The following BSDC1 variants were observed in gnomAD, a reference collection of about 807,000 sequenced individuals.
BSDC1 encodes BSD domain-containing protein 1.
In BSDC1, 29 loss-of-function variants were observed where a neutral mutation model predicts 56.0. That is an observed-to-expected ratio of 0.52 (90% CI 0.39 to 0.71). The LOEUF (loss-of-function observed/expected upper bound fraction) is 0.71, where lower values mean the gene tolerates loss of function less well. Among genes scored for constraint, BSDC1 ranks in the 30% least tolerant of loss-of-function variants. The pLI is 0.00. For missense variants in BSDC1, 477 were observed against 548.5 expected (o/e 0.87, Z 1.30); for synonymous variants, 210 against 215.3 (o/e 0.98, Z 0.21).
Position 32,378,056 on chromosome 1 carries a change from T to G in BSDC1, c.598-8A>C. Reference sequence around the variant, plus strand: ...GTCCCTCCGGGCCTGCTCCTGAATGTGGGGGAGCAGAAGGCCACAGGCAGT... The same window carrying G: ...GTCCCTCCGGGCCTGCTCCTGAATGGGGGGGAGCAGAAGGCCACAGGCAGT... On this transcript the variant is annotated splice_region_variant and splice_polypyrimidine_tract_variant and intron_variant, in intron 7 of 10. Transcript: ENST00000455895. The surrounding 1 kb of genome is among the most constrained non-coding windows in gnomAD (Gnocchi z 5.2). 1 of 1,606,392 alleles carries G rather than the reference T, an allele frequency of 6.2e-7. No homozygotes were observed. Among genetic ancestry groups the G allele is most frequent in the African/African-American group, 1.3e-5 (1 of 74,892 alleles).
intron 4 of BSDC1, among the ~76,000 whole-genome samples, chr1:32,382,867 CAAA>C (rs760141230): frequency 1.3e-3 from 61 of 47,098 alleles, no homozygotes; most frequent in Admixed American, 2.6e-3. Context: ...GAGACCGTCT[CAAA>C]AAAAAAAAAA....
At chr1:32,373,617 C>T (rs1489491560) in intron 9 of BSDC1, among the ~76,000 whole-genome samples, 1 of 152,102 alleles carries the variant, frequency 6.6e-6, no homozygotes, top group African/African-American at 2.4e-5. Flanking sequence ...AACCTCCCCA[C>T]TCAGGTGATC....
At chr1:32,374,164 TTGAG>T (rs1277282126) in intron 9 of BSDC1, among the ~76,000 whole-genome samples, 8 of 152,164 alleles carry the variant, frequency 5.3e-5, no homozygotes, top group African/African-American at 1.4e-4. Context: ...TTTGTAAGGA[TTGAG>T]TAATATGCAT....
chr1:32,392,341 A>T lies in BSDC1; in HGVS notation c.72+1739T>A, dbSNP rs1642895497. On this transcript the variant is annotated intron_variant, in intron 2 of 10. Coordinates refer to ENST00000455895, the MANE Select transcript of BSDC1 (RefSeq NM_018045.8). ...CAGACTTGGTCTCAAAAACAAACAA[A>T]CAAAAAACAAAAAACACTTGCCCAA... Among the ~76,000 whole-genome samples, 4 of 152,122 alleles carry T rather than the reference A, an allele frequency of 2.6e-5. No individual in the cohort carries two copies. The South Asian group carries it at 8.3e-4, about 32-fold the overall frequency.
At chr1:32,383,788 T>C (rs746274192) in intron 4 of BSDC1, 42 bp downstream of exon 4, 3 of 1,594,776 alleles carry the variant, frequency 1.9e-6, no homozygotes, top group Non-Finnish European at 2.6e-6. Flanking sequence ...AAGCCCAGGT[T>C]ACAGATGTTA....
chr1:32,366,353 G>A lies in BSDC1; in HGVS notation c.*269C>T, dbSNP rs1641849057. ...GTGGGTGTTCAGCAGAAAAACACAG[G>A]CTCTTCTGGTGAGGAGGATAGGTTT... On this transcript the variant is annotated 3_prime_UTR_variant, in exon 11 of 11. Coordinates refer to ENST00000455895, the MANE Select transcript of BSDC1 (RefSeq NM_018045.8). The A allele has an allele frequency of 1.5e-6, 1 of 657,364 alleles. No homozygotes were observed. The highest frequency in any genetic ancestry group is 2.8e-6 in the Non-Finnish European group (1 of 359,582). The allele number at this position is 657,364 out of a possible 1,614,324, so 40.7% of individuals were successfully genotyped here. A position where few individuals can be genotyped will look rare whatever the true frequency, so the allele number is the denominator to read the frequency against.
chr1:32,385,732 A>G (rs1642641100), intron 3 of BSDC1, among the ~76,000 whole-genome samples: 1 of 152,182 alleles, frequency 6.6e-6, no homozygotes, highest in Non-Finnish European at 1.5e-5. Context: ...GTCTCAAAAC[A>G]ATAACCACCA....
intron 2 of BSDC1, among the ~76,000 whole-genome samples, chr1:32,387,266 G>T (rs1236752239): frequency 1.3e-5 from 2 of 152,024 alleles, no homozygotes; most frequent in Admixed American, 1.3e-4. Flanking sequence ...TACTGACTTT[G>T]ATGAATTGCT....
At chr1:32,388,216 A>G (rs1389646799) in intron 2 of BSDC1, among the ~76,000 whole-genome samples, 1 of 152,166 alleles carries the variant, frequency 6.6e-6, no homozygotes, top group African/African-American at 2.4e-5. Flanking sequence ...TCTTCTGGGA[A>G]GGGCCTGCCC....
chr1:32,373,334 T>C (rs1642163722), intron 9 of BSDC1, among the ~76,000 whole-genome samples: 1 of 152,178 alleles, frequency 6.6e-6, no homozygotes, highest in Admixed American at 6.5e-5. Context: ...TGTTTACCTC[T>C]CCTGTAATTT....
chr1:32,368,256 C>T, intron 10 of BSDC1, 191 bp downstream of exon 10: 1 of 1,515,688 alleles, frequency 6.6e-7, no homozygotes, highest in Non-Finnish European at 8.9e-7. Context: ...CACCCTGGAA[C>T]TGAGGAAAAG....
At chr1:32,391,600 G>A (rs1040899199) in intron 2 of BSDC1, among the ~76,000 whole-genome samples, 3 of 152,176 alleles carry the variant, frequency 2.0e-5, no homozygotes, top group Non-Finnish European at 2.9e-5. Flanking sequence ...CTCTATCAAC[G>A]TGTATGCACA....
At position 32,378,286 on chromosome 1, in the gene BSDC1, G is replaced by A; in HGVS notation, c.529-3C>T. 6.2e-7 allele frequency: 1 copy of A among 1,614,146 alleles called. No homozygotes were observed. Among genetic ancestry groups the A allele is most frequent in the Non-Finnish European group, 8.5e-7 (1 of 1,179,974 alleles). Reference sequence around the variant, plus strand: ...GAATGGGAAACAGCTGCTGGAACCTGGAGGGAGGGGAAAATGGAGGTGAGA... The same window carrying A: ...GAATGGGAAACAGCTGCTGGAACCTAGAGGGAGGGGAAAATGGAGGTGAGA... On this transcript the variant is annotated splice_region_variant and splice_polypyrimidine_tract_variant and intron_variant, in intron 6 of 10. Coordinates refer to ENST00000455895, the MANE Select transcript of BSDC1 (RefSeq NM_018045.8). The surrounding 1 kb of genome is among the most constrained non-coding windows in gnomAD (Gnocchi z 5.2).
intron 5 of BSDC1, 89 bp downstream of exon 5, chr1:32,381,125 C>T: frequency 7.4e-7 from 1 of 1,359,672 alleles, no homozygotes; most frequent in Non-Finnish European, 1.0e-6. Context: ...GGTGCCCGGC[C>T]TCTGCTACCT....
chr1:32,383,801 C>T (rs374512700), intron 4 of BSDC1, 29 bp downstream of exon 4: 7 of 1,604,712 alleles, frequency 4.4e-6, no homozygotes, highest in Non-Finnish European at 5.1e-6. Flanking sequence ...AGATGTTAGG[C>T]ATCTGCAGGG....
intron 9 of BSDC1, among the ~76,000 whole-genome samples, chr1:32,370,361 G>A (rs1027094098): frequency 6.6e-5 from 10 of 152,168 alleles, no homozygotes; most frequent in African/African-American, 2.4e-4. Context: ...TATATTAATA[G>A]AGGAGTTAGA....
In BSDC1 at chr1:32,365,187, T is replaced by A. The variant is rs946600105; in HGVS notation, c.*1435A>T. On this transcript the variant is annotated 3_prime_UTR_variant, in exon 11 of 11. Coordinates refer to ENST00000455895, the MANE Select transcript of BSDC1 (RefSeq NM_018045.8). ...ACAAAGTTCTTTTTTCTTTCTTTTTTAATTATAAAACTAACAGCTGTTAGA... is the reference window on the plus strand; with the variant it reads ...ACAAAGTTCTTTTTTCTTTCTTTTTAAATTATAAAACTAACAGCTGTTAGA... 1 of 152,244 alleles carries A rather than the reference T, an allele frequency of 6.6e-6. No homozygotes were observed. Among genetic ancestry groups the A allele is most frequent in the African/African-American group, 2.4e-5 (1 of 41,464 alleles). The allele number at this position is 152,244 out of a possible 1,614,324, so 9.4% of individuals were successfully genotyped here.
intron 2 of BSDC1, among the ~76,000 whole-genome samples, chr1:32,393,004 C>T (rs1377713947): frequency 2.0e-5 from 3 of 152,168 alleles, no homozygotes; most frequent in Non-Finnish European, 4.4e-5. Context: ...GCAGAGGTTG[C>T]AGCGAGCTGA....
At chr1:32,373,464 G>A (rs146077684) in intron 9 of BSDC1, among the ~76,000 whole-genome samples, 2 of 152,020 alleles carry the variant, frequency 1.3e-5, no homozygotes, top group Non-Finnish European at 2.9e-5. Flanking sequence ...ATTCTCTCCC[G>A]TACTCAGCTC....
Sources: gnomAD v4.1 joint callset for allele counts (sites outside exome capture counted in the v4.1 genomes callset) on GRCh38, gnomAD v4.1.1 for gene constraint, Gnocchi (gnomAD v3.1) non-coding constraint, MANE v1.5 for transcripts, NCBI Gene and HGNC (gene_info 2026-07-23, HGNC 2026-07-21) for gene names.